ZMIZ1: variants seen among roughly 807,000 people sequenced by gnomAD.
The protein encoded by ZMIZ1 is zinc finger MIZ-type containing 1.
A neutral mutation model predicts 113.9 loss-of-function variants in ZMIZ1; 17 were observed. The ratio of observed to expected loss-of-function variants is 0.15; its 90% confidence interval spans 0.10 to 0.22. The LOEUF (loss-of-function observed/expected upper bound fraction) is 0.22, where lower values mean the gene tolerates loss of function less well. Ranked by LOEUF, ZMIZ1 falls within the 10% of genes least tolerant of loss-of-function variation. The probability of loss-of-function intolerance (pLI) is 1.00; values close to 1 mark genes in which losing one functional copy is unlikely to be tolerated. For missense variants in ZMIZ1, 1,059 were observed against 1,477.8 expected, an observed-to-expected ratio of 0.72 and a Z score of 4.65; for synonymous variants, 607 against 603.1, an observed-to-expected ratio of 1.01 and a Z score of -0.09.
At chr10:79,110,085 T>A (rs1423392335) in intron 1 of ZMIZ1, among the ~76,000 whole-genome samples, 1 of 152,262 alleles carries the variant, frequency 6.6e-6, no homozygotes, top group Non-Finnish European at 1.5e-5. Context: ...CTGGGCCAGA[T>A]GCCTGCATCC....
chr10:79,140,631 A>G lies in ZMIZ1; in HGVS notation c.-131+854A>G, dbSNP rs564053688. 3.1e-3 allele frequency among the ~76,000 whole-genome samples: 471 copies of G among 151,982 alleles called. 1 individual carries two copies. The highest frequency in any genetic ancestry group is 4.8e-3 in the Non-Finnish European group (325 of 67,952). ...TTAGTCCTTCCACACTCATCCACCC[A>G]TTCATCCCTCCACCACCTATCCGTC... On this transcript the variant is annotated intron_variant, in intron 3 of 24. Transcript: ENST00000334512.
chr10:79,129,884 G>A (rs1844678395), intron 2 of ZMIZ1, among the ~76,000 whole-genome samples: 1 of 152,250 alleles, frequency 6.6e-6, no homozygotes, highest in Admixed American at 6.5e-5. Flanking sequence ...ACAGAGCGGA[G>A]TTGGTGGTGG....
chr10:79,111,807 C>G (rs973468261), intron 1 of ZMIZ1, among the ~76,000 whole-genome samples: 2 of 152,164 alleles, frequency 1.3e-5, no homozygotes, highest in Non-Finnish European at 2.9e-5. Context: ...AAAATTACAG[C>G]AGGTGTGATG....
intron 1 of ZMIZ1, among the ~76,000 whole-genome samples, chr10:79,108,597 T>G (rs1464767670): frequency 6.6e-6 from 1 of 151,832 alleles, no homozygotes; most frequent in Non-Finnish European, 1.5e-5. Flanking sequence ...GGGGCCTGAT[T>G]GGGGTAAGGG....
chr10:79,307,367 G>A, intron 22 of ZMIZ1, 38 bp from the exon 23 acceptor site: 2 of 1,600,684 alleles, frequency 1.2e-6, no homozygotes, highest in Non-Finnish European at 1.7e-6. Flanking sequence ...CTATCCCTCT[G>A]GGTGACCCCC....
At chr10:79,230,979 A>T (rs1359513) in intron 7 of ZMIZ1, among the ~76,000 whole-genome samples, 49,576 of 152,230 alleles carry the variant, frequency 0.33, 8,515 homozygotes, top group Non-Finnish European at 0.39. Flanking sequence ...GAGGGCACTC[A>T]TGCCCTGCTC....
At chr10:79,295,008 G>C (rs1853787620) in intron 12 of ZMIZ1, 1 of 152,022 alleles carries the variant, frequency 6.6e-6, no homozygotes, top group African/African-American at 2.4e-5. Flanking sequence ...CCTCCACCTG[G>C]TGGACACTAG....
chr10:79,254,743 G>A (rs1231562188), intron 7 of ZMIZ1, among the ~76,000 whole-genome samples: 1 of 152,218 alleles, frequency 6.6e-6, no homozygotes, highest in East Asian at 1.9e-4. Flanking sequence ...GTTTAGACAG[G>A]TGGGCGGGGG....
intron 4 of ZMIZ1, among the ~76,000 whole-genome samples, chr10:79,180,180 G>A (rs1847055460): frequency 6.6e-6 from 1 of 152,294 alleles, no homozygotes; most frequent in East Asian, 1.9e-4. Flanking sequence ...CCCTCAGGGG[G>A]CCTCTCGAGA....
At chr10:79,269,892 C>T (rs557561360) in intron 7 of ZMIZ1, among the ~76,000 whole-genome samples, 2 of 152,334 alleles carry the variant, frequency 1.3e-5, no homozygotes, top group African/African-American at 4.8e-5. Context: ...ACCTGCTCCC[C>T]GTGACACCCG....
At chr10:79,223,939 G>C (rs1589445121) in intron 7 of ZMIZ1, among the ~76,000 whole-genome samples, 2 of 152,328 alleles carry the variant, frequency 1.3e-5, no homozygotes, top group East Asian at 3.9e-4. Flanking sequence ...ATTGGGGGGA[G>C]GGGCAGCTGT....
At chr10:79,181,932 C>G (rs1285644618) in intron 4 of ZMIZ1, among the ~76,000 whole-genome samples, 1 of 152,218 alleles carries the variant, frequency 6.6e-6, no homozygotes, top group South Asian at 2.1e-4. Context: ...CTGTCATTTT[C>G]CCTGCTGGGG....
intron 1 of ZMIZ1, among the ~76,000 whole-genome samples, chr10:79,098,937 G>A (rs1429466909): frequency 1.3e-5 from 2 of 152,244 alleles, no homozygotes; most frequent in Non-Finnish European, 2.9e-5. Flanking sequence ...CTTGACTGTG[G>A]TGCAGACGTC....
intron 1 of ZMIZ1, among the ~76,000 whole-genome samples, chr10:79,088,768 C>A (rs895633117): frequency 6.6e-6 from 1 of 152,178 alleles, no homozygotes; most frequent in South Asian, 2.1e-4. Context: ...AGGTCTGAGA[C>A]CAGAGCTTCC....
At chr10:79,086,537 T>A (rs1842818582) in intron 1 of ZMIZ1, among the ~76,000 whole-genome samples, 1 of 152,196 alleles carries the variant, frequency 6.6e-6, no homozygotes, top group Non-Finnish European at 1.5e-5. Context: ...TTGTAGAAAC[T>A]GGGTCTCAGT....
chr10:79,272,119 A>G (rs934037557), intron 7 of ZMIZ1, among the ~76,000 whole-genome samples: 3 of 151,980 alleles, frequency 2.0e-5, no homozygotes, highest in African/African-American at 7.3e-5. Context: ...AAATATATAT[A>G]TATACACACA....
At chr10:79,287,604 A>G (rs770231618) in intron 8 of ZMIZ1, among the ~76,000 whole-genome samples, 19 of 152,228 alleles carry the variant, frequency 1.2e-4, no homozygotes, top group Non-Finnish European at 2.6e-4. Flanking sequence ...CAAGGTGCAC[A>G]TGTATTTGTG....
intron 22 of ZMIZ1, among the ~76,000 whole-genome samples, 162 bp downstream of exon 22, chr10:79,306,506 G>C (rs1854709264): frequency 6.6e-6 from 1 of 152,240 alleles, no homozygotes; most frequent in African/African-American, 2.4e-5. Flanking sequence ...CTAGACTTGA[G>C]GGTACATGGG....
rs1319627539 is a variant in ZMIZ1, at chr10:79,310,969, C to G, written c.2881C>G (p.Gln961Glu). 1 of 1,613,860 alleles carries G rather than the reference C, an allele frequency of 6.2e-7. No individual in the cohort carries two copies. The highest frequency in any genetic ancestry group is 8.5e-7 in the Non-Finnish European group (1 of 1,179,994). Residue 961 changes from glutamine to glutamate, a missense_variant, in exon 24 of 25, where the codon CAA becomes GAA. Physicochemically the swap from Gln to Glu is conservative, Grantham distance 29. Around this residue, in one of 6 missense-constraint regions of ZMIZ1, gnomAD observed 225 missense variants for 276.0 expected, o/e 0.82. Transcript: ENST00000334512. ...SSDQPHPSIQ[Q>E]GLHVPHPSSQ... ...TGACCAGCCCCACCCCTCCATACAA[C>G]AAGGTTTGCACGTACCACACCCCAG...
Sources: gnomAD v4.1 joint callset for allele counts (sites outside exome capture counted in the v4.1 genomes callset) on GRCh38, gnomAD v4.1.1 for gene constraint, gnomAD v4.1.1 regional missense constraint, MANE v1.5 for transcripts, NCBI Gene and HGNC (gene_info 2026-07-23, HGNC 2026-07-21) for gene names.